Variants in ZSWIM4 observed in about 807,000 individuals in gnomAD.
The protein encoded by ZSWIM4 is zinc finger SWIM domain-containing protein 4.
ZSWIM4 carries 62 observed loss-of-function variants against 102.5 expected under a neutral mutation model. The observed-to-expected ratio is 0.60, with a 90% CI of 0.49 to 0.75. The LOEUF is 0.75. Ranked by LOEUF, ZSWIM4 falls within the 30% of genes least tolerant of loss-of-function variation. ZSWIM4 has a pLI of 0.00. For synonymous variants in ZSWIM4, 652 were observed against 674.5 expected (o/e 0.97, Z 0.52); for missense variants, 1,280 against 1,529.6 (o/e 0.84, Z 2.72).
chr19:13,803,430 A>C (rs1974827085), intron 2 of ZSWIM4, among the ~76,000 whole-genome samples: 1 of 152,128 alleles, frequency 6.6e-6, no homozygotes, highest in African/African-American at 2.4e-5. Flanking sequence ...ATTGTAACCC[A>C]AGGAATCAGA....
intron 12 of ZSWIM4, among the ~76,000 whole-genome samples, chr19:13,826,249 G>T (rs191670741): frequency 6.6e-6 from 1 of 152,120 alleles, no homozygotes; most frequent in East Asian, 1.9e-4. Context: ...GATCGCAAGC[G>T]GAGCCTGGGG....
At position 13,804,816 on chromosome 19, in the gene ZSWIM4, G is replaced by A. The variant is rs73511513; in HGVS notation, c.380G>A (p.Arg127His). 6,381 of 1,594,580 alleles carry A rather than the reference G, an allele frequency of 4.0e-3. 230 individuals carry two copies. The African/African-American group carries it at 0.076, about 19-fold the overall frequency. The change falls in exon 3 of 14, where the codon CGC becomes CAC. Residue 127 changes from arginine (R) to histidine (H), a missense_variant. Arg to His is a conservative substitution (Grantham distance 29, BLOSUM62 0). Coordinates refer to ENST00000590508, the MANE Select transcript of ZSWIM4 (RefSeq NM_001367834.3). ...QVGFHLSGNI[R>H]EPGSPGEPER... Reference sequence around the variant, plus strand: ...GGATTCCACCTGAGCGGAAACATCCGCGAGCCAGGGAGTCCTGGAGAGCCC... The same window carrying A: ...GGATTCCACCTGAGCGGAAACATCCACGAGCCAGGGAGTCCTGGAGAGCCC...
Position 13,808,875 on chromosome 19 carries a change from C to CCAAA in ZSWIM4, c.755_756insACAA (p.Asn252LysfsTer86). 1 of 1,612,112 alleles carries CCAAA rather than the reference C, an allele frequency of 6.2e-7. No individual in the cohort carries two copies. The highest frequency in any genetic ancestry group is 8.5e-7 in the Non-Finnish European group (1 of 1,179,244). On this transcript the variant is annotated frameshift_variant, in exon 4 of 14. Coordinates refer to ENST00000590508, the MANE Select transcript of ZSWIM4 (RefSeq NM_001367834.3). LOFTEE classifies it high-confidence loss of function. ...ACCGCCGGCGCAGGAATCGAGGACGCCAACTGCTGGCACCTGGACGAGGAG... is the reference window on the plus strand; with the variant it reads ...ACCGCCGGCGCAGGAATCGAGGACGCCAAACAACTGCTGGCACCTGGACGAGGAG...
chr19:13,831,109 C>A lies in ZSWIM4; in HGVS notation c.*59C>A. 6.6e-7 allele frequency: 1 copy of A among 1,505,766 alleles called. No homozygotes were observed. Among genetic ancestry groups the A allele is most frequent in the South Asian group, 1.3e-5 (1 of 75,506 alleles). 93.3% of individuals were successfully genotyped at this position (1,505,766 alleles called of 1,614,324 possible). ...CTCGCCCCTGCGTCCCCCACCCTTG[C>A]TCTCCAATTAGGCCCACGTGGCATT... On this transcript the variant is annotated 3_prime_UTR_variant, in exon 14 of 14. Coordinates refer to ENST00000590508, the MANE Select transcript of ZSWIM4 (RefSeq NM_001367834.3).
intron 1 of ZSWIM4, among the ~76,000 whole-genome samples, chr19:13,797,717 A>T (rs1407775912): frequency 6.6e-6 from 1 of 152,186 alleles, no homozygotes; most frequent in Non-Finnish European, 1.5e-5. Context: ...CAGTGGCACG[A>T]TCTCGGCTCA....
At chr19:13,802,761 T>G (rs2145264728) in intron 2 of ZSWIM4, among the ~76,000 whole-genome samples, 1 of 152,030 alleles carries the variant, frequency 6.6e-6, no homozygotes, top group Non-Finnish European at 1.5e-5. Flanking sequence ...AAGTTTTTTG[T>G]AGAGACCTGG....
chr19:13,809,216 G>A lies in ZSWIM4; in HGVS notation c.1008G>A (p.Glu336=), dbSNP rs201671655. ...ACAAGTGCCGGCAGCTCTGGGATGA[G>A]CTGGGTGAGGCCCAAACCCCGGTGC... is the stretch of plus-strand genomic sequence containing the variant. ...MTDKCRQLWD[E]LGALWVCVVL... The change falls in exon 5 of 14, where the codon GAG becomes GAA. Residue 336 remains glutamate, a synonymous_variant. Coordinates refer to ENST00000590508, the MANE Select transcript of ZSWIM4 (RefSeq NM_001367834.3). The surrounding 1 kb of genome is among the most constrained non-coding windows in gnomAD (Gnocchi z 4.2). 1.2e-6 allele frequency: 2 copies of A among 1,601,278 alleles called. No homozygotes were observed. The highest frequency in any genetic ancestry group is 1.3e-5 in the African/African-American group (1 of 74,910).
chr19:13,800,896 C>T (rs183643794), intron 2 of ZSWIM4, among the ~76,000 whole-genome samples: 3 of 152,302 alleles, frequency 2.0e-5, no homozygotes, highest in African/African-American at 7.2e-5. Context: ...GATCTCAACA[C>T]TTTGGGAGGC....
chr19:13,801,137 T>C (rs1175998220), intron 2 of ZSWIM4, among the ~76,000 whole-genome samples: 2 of 143,296 alleles, frequency 1.4e-5, no homozygotes, highest in Non-Finnish European at 3.0e-5. Flanking sequence ...AGCGAGATGC[T>C]ATCTCAAAGA....
Position 13,819,476 on chromosome 19 carries a change from G to A in ZSWIM4, c.2044G>A (p.Ala682Thr), listed in dbSNP as rs201627457. Reference sequence around the variant, plus strand: ...TGACCCGGACCTGGCCTATCGCCTCGCGCTGCGAGCTATGAGGTGAGGATA... The same window carrying A: ...TGACCCGGACCTGGCCTATCGCCTCACGCTGCGAGCTATGAGGTGAGGATA... ...PHDPDLAYRL[A>T]LRAMRLPILE... The change falls in exon 10 of 14, where the codon GCG (alanine) becomes ACG (threonine). Residue 682 changes from alanine (A) to threonine (T), a missense_variant. Transcript: ENST00000590508. 1.8e-5 allele frequency: 29 copies of A among 1,603,146 alleles called. No homozygotes were observed. Among genetic ancestry groups the A allele is most frequent in the Middle Eastern group, 1.7e-4 (1 of 6,034 alleles).
rs148839312 is a variant in ZSWIM4, at chr19:13,806,757, G to A, written c.712+1609G>A. Among the ~76,000 whole-genome samples, 4 of 152,032 alleles carry A rather than the reference G, an allele frequency of 2.6e-5. No homozygotes were observed. The South Asian group carries it at 8.3e-4, about 31-fold the overall frequency. ...GGTGGGGAGGGCTTTGACTAGTGGA[G>A]TTAAGGTAGACTGACAGTGGTGGAC... On this transcript the variant is annotated intron_variant, in intron 3 of 13. Transcript: ENST00000590508.
intron 12 of ZSWIM4, 87 bp from the exon 13 acceptor site, chr19:13,828,558 T>C (rs1975672386): frequency 1.5e-5 from 18 of 1,195,688 alleles, no homozygotes; most frequent in Middle Eastern, 3.9e-4. Context: ...CCTCCAAGTG[T>C]TTCTGGGGTC....
intron 6 of ZSWIM4, among the ~76,000 whole-genome samples, chr19:13,813,806 G>A (rs933417115): frequency 2.6e-5 from 4 of 151,214 alleles, no homozygotes; most frequent in Non-Finnish European, 4.4e-5. Context: ...CTGGAATCCC[G>A]GATACTCAGG....
intron 6 of ZSWIM4, among the ~76,000 whole-genome samples, chr19:13,814,160 G>T (rs964649110): frequency 6.6e-6 from 1 of 150,394 alleles, no homozygotes; most frequent in Non-Finnish European, 1.5e-5. Flanking sequence ...GGGTTCAAGC[G>T]ATTCTCATTC....
chr19:13,807,270 G>C (rs778717053), intron 3 of ZSWIM4, among the ~76,000 whole-genome samples: 2 of 146,614 alleles, frequency 1.4e-5, no homozygotes, highest in African/African-American at 2.8e-5. Flanking sequence ...ATGGACCCAT[G>C]ATGGGGTAGG....
intron 1 of ZSWIM4, 90 bp downstream of exon 1, chr19:13,795,891 G>C (rs35123634): frequency 1.1e-6 from 1 of 874,534 alleles, no homozygotes; most frequent in South Asian, 5.7e-5. Context: ...CCAGACTCCA[G>C]AGCTAACCCA....
At position 13,795,590 on chromosome 19, in the gene ZSWIM4, G is replaced by C; in HGVS notation, c.-59G>C. On this transcript the variant is annotated 5_prime_UTR_variant, in exon 1 of 14. Transcript: ENST00000590508. ...GCGCGGGAGCCGGCGAAGCGGAGCG[G>C]GCATCGGACCGAGCCCCCCAAAGAG... 1 of 269,782 alleles carries C rather than the reference G, an allele frequency of 3.7e-6. No individual in the cohort carries two copies. The highest frequency in any genetic ancestry group is 6.7e-6 in the Non-Finnish European group (1 of 148,890). 16.7% of individuals were successfully genotyped at this position (269,782 alleles called of 1,614,324 possible). A position where few individuals can be genotyped will look rare whatever the true frequency, so the allele number is the denominator to read the frequency against.
intron 2 of ZSWIM4, among the ~76,000 whole-genome samples, chr19:13,800,399 G>A (rs953752220): frequency 6.6e-5 from 10 of 151,644 alleles, no homozygotes; most frequent in Admixed American, 3.3e-4. Flanking sequence ...CCAAGTAGCC[G>A]GGACTACAGG....
chr19:13,801,751 A>AACCCCC (rs1005915034), intron 2 of ZSWIM4, among the ~76,000 whole-genome samples: 3 of 150,128 alleles, frequency 2.0e-5, no homozygotes, highest in African/African-American at 7.4e-5. Context: ...AGCTCACTGC[A>AACCCCC]ACCTCCACCT....
Sources: gnomAD v4.1 joint callset for allele counts (sites outside exome capture counted in the v4.1 genomes callset) on GRCh38, gnomAD v4.1.1 for gene constraint, Gnocchi (gnomAD v3.1) non-coding constraint, MANE v1.5 for transcripts, NCBI Gene and HGNC (gene_info 2026-07-23, HGNC 2026-07-21) for gene names.